Variants in SLCO4A1 observed in about 807,000 individuals in gnomAD.
The protein encoded by SLCO4A1 is solute carrier organic anion transporter family member 4A1, also known as colon organic anion transporter.
SLCO4A1 carries 51 observed loss-of-function variants against 64.6 expected under a neutral mutation model. That is an observed-to-expected ratio of 0.79 (90% CI 0.63 to 1.00). The LOEUF (loss-of-function observed/expected upper bound fraction) is 1.00. SLCO4A1 is among the 50% of genes least tolerant of loss of function. The pLI is 0.00. For synonymous variants in SLCO4A1, 471 were observed against 444.9 expected, an observed-to-expected ratio of 1.06 and a Z score of -0.74; for missense variants, 919 against 980.5, an observed-to-expected ratio of 0.94 and a Z score of 0.84.
At chr20:62,673,818 C>T (rs111582992), downstream of SLCO4A1, among the ~76,000 whole-genome samples, 6 of 152,228 alleles carry the variant, frequency 3.9e-5, no homozygotes, top group South Asian at 2.1e-4. Flanking sequence ...GACCCAGCTC[C>T]GTGGTGCCTG....
rs531556363 is a variant in SLCO4A1, at chr20:62,668,045, C to G, written c.1672C>G (p.Leu558Val). 4.3e-6 allele frequency: 7 copies of G among 1,613,922 alleles called. No homozygotes were observed. The Admixed American group carries it at 8.3e-5, about 19-fold the overall frequency. Residue 558 changes from leucine (L) to valine (V), a missense_variant, in exon 9 of 12, where the codon CTT (leucine) becomes GTT (valine). Transcript: ENST00000217159. Reference sequence around the variant, plus strand: ...AGACTGTAGCTGTATCCCTCAGAATCTTTCCTCTGGTTTTGGCCATGCCAC... The same window carrying G: ...AGACTGTAGCTGTATCCCTCAGAATGTTTCCTCTGGTTTTGGCCATGCCAC... ...YRDCSCIPQN[L>V]SSGFGHATAG...
intron 2 of SLCO4A1, among the ~76,000 whole-genome samples, chr20:62,683,485 G>T (rs559519231): frequency 6.6e-6 from 1 of 152,240 alleles, no homozygotes; most frequent in Non-Finnish European, 1.5e-5. Context: ...CGACAGTGAG[G>T]ACTGCAAGAA....
Position 62,661,225 on chromosome 20 carries a change from G to T in SLCO4A1, c.1121+50G>T. 1.5e-6 allele frequency: 2 copies of T among 1,331,598 alleles called. No homozygotes were observed. Among genetic ancestry groups the T allele is most frequent in the South Asian group, 1.2e-5 (1 of 85,514 alleles). 82.5% of individuals were successfully genotyped at this position (1,331,598 alleles called of 1,614,324 possible). A position where few individuals can be genotyped will look rare whatever the true frequency, so the allele number is the denominator to read the frequency against. On this transcript the variant is annotated intron_variant, in intron 5 of 11. Coordinates refer to ENST00000217159, the MANE Select transcript of SLCO4A1 (RefSeq NM_016354.4). This position sits in a 1 kb window ranked among gnomAD's most constrained non-coding sequence, Gnocchi z 5.2. ...CCTAGTGTCCTCAGACCCTTTAATG[G>T]TCCCCATCTTGGGGGAGTCGTTGAG...
intron 6 of SLCO4A1, 140 bp from the exon 7 acceptor site, chr20:62,666,240 T>C: frequency 1.5e-6 from 1 of 659,258 alleles, no homozygotes; most frequent in South Asian, 1.8e-5. Flanking sequence ...AGGTGTGGTG[T>C]TGAGTGCTGC....
intron 9 of SLCO4A1, 87 bp from the exon 10 acceptor site, chr20:62,668,390 A>C: frequency 5.8e-6 from 8 of 1,370,996 alleles, no homozygotes; most frequent in Non-Finnish European, 8.3e-6. Context: ...GTGGCTGGGG[A>C]CTGGTCCAGG....
At chr20:62,681,425 T>G (rs1987816906) in intron 2 of SLCO4A1, among the ~76,000 whole-genome samples, 1 of 151,532 alleles carries the variant, frequency 6.6e-6, no homozygotes, top group African/African-American at 2.5e-5. Flanking sequence ...TATTAAGCCT[T>G]GTGTACACAC....
chr20:62,666,699 GC>G, intron 7 of SLCO4A1, 124 bp downstream of exon 7: 1 of 850,536 alleles, frequency 1.2e-6, no homozygotes, highest in East Asian at 2.5e-5. Context: ...TCACAGGACA[GC>G]GGCAAGGGCA....
downstream of SLCO4A1, among the ~76,000 whole-genome samples, chr20:62,690,411 G>A (rs1397633885): frequency 6.6e-6 from 1 of 152,160 alleles, no homozygotes; most frequent in Non-Finnish European, 1.5e-5. Context: ...CTCTGCAGGA[G>A]CCCCGGGAAT....
At chr20:62,674,474 C>T (rs1987493023), downstream of SLCO4A1, among the ~76,000 whole-genome samples, 1 of 152,172 alleles carries the variant, frequency 6.6e-6, no homozygotes, top group African/African-American at 2.4e-5. Context: ...AGCCCAGGGA[C>T]ACTGGGTGGA....
At chr20:62,652,846 G>T (rs1246649710) in intron 1 of SLCO4A1, among the ~76,000 whole-genome samples, 2 of 152,252 alleles carry the variant, frequency 1.3e-5, no homozygotes, top group Admixed American at 6.5e-5. Context: ...CCTCCCGGCA[G>T]TGTCCAAGGT....
In SLCO4A1 at chr20:62,668,077, G is replaced by C. The variant is rs142743936; in HGVS notation, c.1704G>C (p.Gly568=). 1.7e-5 allele frequency: 28 copies of C among 1,614,002 alleles called. No homozygotes were observed. In the South Asian group the frequency reaches 3.1e-4, roughly 18 times the overall value. Residue 568 remains glycine, a synonymous_variant, in exon 9 of 12, where the codon GGG becomes GGC. Transcript: ENST00000217159. The part of the protein sequence containing the change: ...LSSGFGHATA[G]KCTSTCQRKP... ...CTGGTTTTGGCCATGCCACTGCAGG[G>C]AAATGCACTTCAACTTGTCAGAGAA...
intron 1 of SLCO4A1, among the ~76,000 whole-genome samples, chr20:62,655,399 C>CCCGGGAAGGACCCTCCCAGGGCGGGGG (rs1162201380): frequency 1.3e-5 from 2 of 152,184 alleles, no homozygotes; most frequent in African/African-American, 4.8e-5. Flanking sequence ...TCATAGCAGC[C>CCCGGGAAGGACCCTCCCAGGGCGGGGG]CTGTTTATTC....
Position 62,656,487 on chromosome 20 carries a change from C to A in SLCO4A1, c.33C>A (p.Leu11=). The change falls in exon 2 of 12, where the codon CTC becomes CTA. Residue 11 remains leucine (L), a synonymous_variant. Transcript: ENST00000217159. The stretch of plus-strand genomic sequence containing the variant: ...TGCATCAGCTGGGGGACAAGCCGCT[C>A]ACCTTCCCCAGCCCCAACTCAGCCA... MPLHQLGDKP[L]TFPSPNSAME... The A allele has an allele frequency of 1.3e-6, 2 of 1,524,656 alleles. No individual in the cohort carries two copies. Among genetic ancestry groups the A allele is most frequent in the Non-Finnish European group, 1.8e-6 (2 of 1,136,452 alleles). 94.4% of individuals were successfully genotyped at this position (1,524,656 alleles called of 1,614,324 possible).
At chr20:62,677,757 C>T (rs2147113708) in intron 2 of SLCO4A1, among the ~76,000 whole-genome samples, 1 of 152,386 alleles carries the variant, frequency 6.6e-6, no homozygotes, top group East Asian at 1.9e-4. Context: ...CTTCTACTGG[C>T]AGTGCCTTCT....
At chr20:62,681,508 G>T (rs1008365533) in intron 2 of SLCO4A1, among the ~76,000 whole-genome samples, 1 of 115,722 alleles carries the variant, frequency 8.6e-6, no homozygotes, top group Non-Finnish European at 1.8e-5. Flanking sequence ...TCATGTGTGC[G>T]CGTGTTTATT....
At chr20:62,668,275 G>A (rs765214023) in intron 9 of SLCO4A1, 91 bp downstream of exon 9, 19 of 1,468,454 alleles carry the variant, frequency 1.3e-5, no homozygotes, top group Non-Finnish European at 1.8e-5. Context: ...GAGCACTCCA[G>A]GAAACACCCA....
intron 5 of SLCO4A1, among the ~76,000 whole-genome samples, chr20:62,664,476 G>A (rs1354141273): frequency 3.3e-5 from 5 of 152,174 alleles, no homozygotes; most frequent in African/African-American, 4.8e-5. Context: ...GCCTGCCCCA[G>A]CCAGTTCCCT....
chr20:62,656,569 CT>C lies in SLCO4A1; in HGVS notation c.116del (p.Leu39ArgfsTer80). 6.3e-7 allele frequency: 1 copy of C among 1,587,236 alleles called. No homozygotes were observed. Among genetic ancestry groups the C allele is most frequent in the Non-Finnish European group, 8.5e-7 (1 of 1,171,244 alleles). ...CAGGAGGGCATCCCCGGGCACACCC[CT>C]GAGCCCCGGCTCCCTCCGCTCCGCT... ...PSRRASPGTP[L>X]SPGSLRSAAH... On this transcript the variant is annotated frameshift_variant, in exon 2 of 12. Transcript: ENST00000217159. LOFTEE classifies it high-confidence loss of function.
At chr20:62,668,801 AC>A in intron 10 of SLCO4A1, 128 bp from the exon 11 acceptor site, 1 of 969,506 alleles carries the variant, frequency 1.0e-6, no homozygotes, top group South Asian at 1.6e-5. Context: ...CCCTCTTTGC[AC>A]CCCCTGAGAA....
Sources: gnomAD v4.1 joint callset for allele counts (sites outside exome capture counted in the v4.1 genomes callset) on GRCh38, gnomAD v4.1.1 for gene constraint, Gnocchi (gnomAD v3.1) non-coding constraint, MANE v1.5 for transcripts, NCBI Gene and HGNC (gene_info 2026-07-23, HGNC 2026-07-21) for gene names.